Variants in ERI1 observed in about 807,000 individuals in gnomAD.
The protein encoded by ERI1 is exoribonuclease 1.
In ERI1, 39 loss-of-function variants were observed where a neutral mutation model predicts 39.7. The observed-to-expected ratio is 0.98, with a 90% CI of 0.76 to 1.28. The LOEUF is 1.28. Among genes scored for constraint, ERI1 ranks in the 50% most tolerant of loss-of-function variants. ERI1 has a pLI of 0.00. For synonymous variants in ERI1, 204 were observed against 149.6 expected (o/e 1.36, Z -2.65); for missense variants, 581 against 416.9 (o/e 1.39, Z -3.43).
chr8:9,021,851 C>T (rs1397248214), intron 6 of ERI1, among the ~76,000 whole-genome samples: 3 of 144,906 alleles, frequency 2.1e-5, no homozygotes, highest in Non-Finnish European at 4.5e-5. Context: ...CACTTTATTG[C>T]TATTAATTCC....
downstream of ERI1, among the ~76,000 whole-genome samples, chr8:9,036,864 G>C (rs1797861302): frequency 6.6e-6 from 1 of 152,148 alleles, no homozygotes; most frequent in Non-Finnish European, 1.5e-5. Flanking sequence ...TTTGAACATA[G>C]ACCTGTTTTC....
chr8:9,081,569 G>C (rs566313265), intron 3 of ERI1, among the ~76,000 whole-genome samples: 9 of 152,164 alleles, frequency 5.9e-5, no homozygotes, highest in African/African-American at 2.2e-4. Context: ...CTTCCCCTCT[G>C]CTACCCATTT....
At chr8:9,068,595 C>G (rs1000084605) in intron 3 of ERI1, among the ~76,000 whole-genome samples, 3 of 152,126 alleles carry the variant, frequency 2.0e-5, no homozygotes, top group African/African-American at 7.2e-5. Flanking sequence ...AGCAAAGCAA[C>G]CTCCTCCCTC....
intron 3 of ERI1, among the ~76,000 whole-genome samples, chr8:9,053,255 G>C (rs1270423262): frequency 6.6e-6 from 1 of 152,174 alleles, no homozygotes; most frequent in Non-Finnish European, 1.5e-5. Context: ...GACCTCAAGT[G>C]GTCCGCCTGC....
chr8:9,007,861 C>A, intron 1 of ERI1, 109 bp from the exon 2 acceptor site: 1 of 1,438,236 alleles, frequency 7.0e-7, no homozygotes, highest in Non-Finnish European at 9.2e-7. Context: ...GAACATGTAG[C>A]ATGAAGAGGC....
chr8:9,022,826 A>G lies in ERI1; in HGVS notation c.807+2362A>G, dbSNP rs575281440. Among the ~76,000 whole-genome samples the G allele has an allele frequency of 2.2e-3, 328 of 152,062 alleles. 1 individual carries two copies. The highest frequency in any genetic ancestry group is 7.4e-3 in the African/African-American group (308 of 41,470). On this transcript the variant is annotated intron_variant, in intron 6 of 6. Transcript: ENST00000250263. ...CATGACCCAGGTTCAACAATTAGAA[A>G]CTCATGGCCAGTCATGTTTCATGTG...
In ERI1 at chr8:9,003,047, C is replaced by G. The variant is rs111494086; in HGVS notation, c.-17C>G. 8 of 1,242,304 alleles carry G rather than the reference C, an allele frequency of 6.4e-6. No individual in the cohort carries two copies. Among genetic ancestry groups the G allele is most frequent in the Non-Finnish European group, 8.1e-6 (8 of 983,614 alleles). 77.0% of individuals were successfully genotyped at this position (1,242,304 alleles called of 1,614,324 possible). A position where few individuals can be genotyped will look rare whatever the true frequency, so the allele number is the denominator to read the frequency against. On this transcript the variant is annotated 5_prime_UTR_variant, in exon 1 of 7. Transcript: ENST00000250263. ...AGTGTCCGGCTCCAGCAACTCTCCT[C>G]TGGCGTGACAGCCGGCATGGAGGAT... is the stretch of plus-strand genomic sequence containing the variant.
At chr8:9,052,039 A>G (rs1426460989) in intron 3 of ERI1, among the ~76,000 whole-genome samples, 1 of 152,230 alleles carries the variant, frequency 6.6e-6, no homozygotes, top group Non-Finnish European at 1.5e-5. Flanking sequence ...GTAGTGAGAA[A>G]TGAAAGAATT....
At position 9,020,440 on chromosome 8, in the gene ERI1, G is replaced by C. The variant is rs557744600; in HGVS notation, c.783G>C (p.Arg261=). 4 of 1,602,702 alleles carry C rather than the reference G, an allele frequency of 2.5e-6. No individual in the cohort carries two copies. In the Admixed American group the frequency reaches 5.1e-5, roughly 21 times the overall value. Residue 261 remains arginine, a synonymous_variant, in exon 6 of 7, where the codon CGG becomes CGC. Coordinates refer to ENST00000250263, the MANE Select transcript of ERI1 (RefSeq NM_153332.4). The stretch of plus-strand genomic sequence containing the variant: ...TTGCGAAAAAGTGGATCAATATTCG[G>C]AAGTCATATGGAAATTTTTACAAGG... ...PPFAKKWINI[R]KSYGNFYKVP... is the part of the protein sequence containing the mutation.
chr8:9,004,267 C>T lies in ERI1; in HGVS notation c.108+1096C>T. 1.1e-5 allele frequency: 13 copies of T among 1,193,102 alleles called. No homozygotes were observed. The South Asian group carries it at 1.9e-4, about 17-fold the overall frequency. The allele number at this position is 1,193,102 out of a possible 1,614,324, so 73.9% of individuals were successfully genotyped here. A position where few individuals can be genotyped will look rare whatever the true frequency, so the allele number is the denominator to read the frequency against. On this transcript the variant is annotated intron_variant, in intron 1 of 6. Transcript: ENST00000250263. ...CCACTCTTCCACCTGCCTCCCTCTT[C>T]AGCCTGAGATACGTTGTCAATCTCA...
chr8:9,086,939 T>A (rs1007951649), intron 3 of ERI1, among the ~76,000 whole-genome samples: 1 of 152,340 alleles, frequency 6.6e-6, no homozygotes, highest in East Asian at 1.9e-4. Flanking sequence ...AGGAAAATTC[T>A]CAAAATTTTA....
chr8:9,056,178 G>A (rs1460717185), intron 3 of ERI1, among the ~76,000 whole-genome samples: 2 of 152,244 alleles, frequency 1.3e-5, no homozygotes, highest in East Asian at 1.9e-4. Context: ...TCTGGGCCTT[G>A]GAGCTGTGAT....
intron 6 of ERI1, among the ~76,000 whole-genome samples, chr8:9,027,136 G>GGTGTGTGTGTGTGTGTGTGTGTGT: frequency 7.3e-6 from 1 of 137,598 alleles, no homozygotes; most frequent in African/African-American, 2.7e-5. Flanking sequence ...GTTATTTTCT[G>GGTGTGTGTGTGTGTGTGTGTGTGT]GTGTGTGTGT....
At chr8:9,081,886 C>G (rs1799384349) in intron 3 of ERI1, among the ~76,000 whole-genome samples, 1 of 152,108 alleles carries the variant, frequency 6.6e-6, no homozygotes, top group Non-Finnish European at 1.5e-5. Context: ...TATTCTATGT[C>G]TAGACTTCTC....
chr8:9,008,413 A>T lies in ERI1; in HGVS notation c.287+265A>T, dbSNP rs2979260. ...GGAGTCTCTGTCTTATTATGACAAG[A>T]GTGTTTTAAATTTTTTTAGTTGCTC... On this transcript the variant is annotated intron_variant, in intron 2 of 6. Coordinates refer to ENST00000250263, the MANE Select transcript of ERI1 (RefSeq NM_153332.4). 0.88 allele frequency among the ~76,000 whole-genome samples: 133,739 copies of T among 152,212 alleles called. 58,908 individuals are homozygous for T. Among genetic ancestry groups the T allele is most frequent in the Non-Finnish European group, 0.91 (62,099 of 68,012 alleles).
At chr8:9,066,506 A>G (rs1454398505) in intron 3 of ERI1, among the ~76,000 whole-genome samples, 1 of 152,074 alleles carries the variant, frequency 6.6e-6, no homozygotes, top group East Asian at 1.9e-4. Flanking sequence ...CAGTGATTTG[A>G]TTTTGTGTTC....
chr8:9,024,198 T>C (rs1044184499), intron 6 of ERI1, among the ~76,000 whole-genome samples: 1 of 152,216 alleles, frequency 6.6e-6, no homozygotes, highest in South Asian at 2.1e-4. Context: ...GTAATACATT[T>C]CTGTGAAATA....
intron 3 of ERI1, among the ~76,000 whole-genome samples, chr8:9,092,714 C>G (rs1253093282): frequency 6.6e-6 from 1 of 152,148 alleles, no homozygotes; most frequent in South Asian, 2.1e-4. Flanking sequence ...TTCTTCATAC[C>G]CTGAGTTCTT....
intron 3 of ERI1, among the ~76,000 whole-genome samples, chr8:9,047,910 G>T (rs1798227937): frequency 6.6e-6 from 1 of 152,248 alleles, no homozygotes; most frequent in African/African-American, 2.4e-5. Context: ...AGGTGTTCCA[G>T]ATGCCTTGGC....
Sources: allele counts gnomAD v4.1 joint callset (sites outside exome capture counted in the v4.1 genomes callset), GRCh38; gene constraint gnomAD v4.1.1; transcripts MANE v1.5; gene names NCBI Gene and HGNC (gene_info 2026-07-23, HGNC 2026-07-21).